The following CSMD1 variants were observed in gnomAD, a reference collection of about 807,000 sequenced individuals.
The protein encoded by CSMD1 is CUB and sushi domain-containing protein 1.
Under a neutral mutation model 417.5 loss-of-function variants are expected in CSMD1, and 213 were observed. That is an observed-to-expected ratio of 0.51 (90% CI 0.46 to 0.57). The LOEUF (loss-of-function observed/expected upper bound fraction) is 0.57, where lower values mean the gene tolerates loss of function less well. CSMD1 is among the 20% of genes least tolerant of loss of function. The pLI is 0.00. For missense variants in CSMD1, 6,923 were observed against 4,529.7 expected (o/e 1.53, Z -15.17); for synonymous variants, 2,862 against 1,736.8 (o/e 1.65, Z -16.11).
At chr8:3,455,355 G>C (rs1034231663) in intron 12 of CSMD1, among the ~76,000 whole-genome samples, 1 of 152,220 alleles carries the variant, frequency 6.6e-6, no homozygotes, top group African/African-American at 2.4e-5. Context: ...TTGCTGGTGA[G>C]GAGCTGCTTT....
At chr8:4,156,136 G>C (rs969531017) in intron 3 of CSMD1, among the ~76,000 whole-genome samples, 1 of 152,176 alleles carries the variant, frequency 6.6e-6, no homozygotes, top group Non-Finnish European at 1.5e-5. Context: ...GAGTCCCTCT[G>C]CCTCACACCA....
chr8:3,919,388 A>G (rs1397176545), intron 5 of CSMD1, among the ~76,000 whole-genome samples: 1 of 152,012 alleles, frequency 6.6e-6, no homozygotes, highest in Non-Finnish European at 1.5e-5. Flanking sequence ...TGTGTTGAAG[A>G]GACTCTCTTT....
At chr8:3,865,926 CTCA>C (rs2129108304) in intron 5 of CSMD1, among the ~76,000 whole-genome samples, 1 of 152,216 alleles carries the variant, frequency 6.6e-6, no homozygotes, top group Non-Finnish European at 1.5e-5. Flanking sequence ...TAATTAACTC[CTCA>C]TGTTTCCCTC....
intron 5 of CSMD1, among the ~76,000 whole-genome samples, chr8:3,898,949 G>A (rs965183805): frequency 2.0e-5 from 3 of 152,016 alleles, no homozygotes; most frequent in Admixed American, 6.5e-5. Context: ...AAAATTTTAT[G>A]GGAAAAATAA....
chr8:2,941,325 G>C (rs1484280094), intron 69 of CSMD1, among the ~76,000 whole-genome samples: 2 of 152,146 alleles, frequency 1.3e-5, no homozygotes, highest in African/African-American at 4.8e-5. Flanking sequence ...GCTATTTCAT[G>C]AGTTTTGAAA....
At chr8:4,086,393 GCAGA>G (rs1800421175) in intron 3 of CSMD1, among the ~76,000 whole-genome samples, 1 of 152,102 alleles carries the variant, frequency 6.6e-6, no homozygotes, top group Non-Finnish European at 1.5e-5. Context: ...TTCAGTACAG[GCAGA>G]CAGACTTGTA....
intron 5 of CSMD1, among the ~76,000 whole-genome samples, chr8:3,765,219 C>G (rs1798204302): frequency 6.6e-6 from 1 of 152,168 alleles, no homozygotes; most frequent in South Asian, 2.1e-4. Context: ...CGATCACTCC[C>G]TCGACTGTCT....
intron 23 of CSMD1, among the ~76,000 whole-genome samples, chr8:3,339,142 A>G (rs1807475814): frequency 1.3e-5 from 2 of 152,010 alleles, no homozygotes; most frequent in African/African-American, 2.4e-5. Context: ...AATTTCATCC[A>G]TGTCCCTACA....
chr8:4,113,099 A>C (rs555514696), intron 3 of CSMD1, among the ~76,000 whole-genome samples: 1 of 152,144 alleles, frequency 6.6e-6, no homozygotes, highest in Non-Finnish European at 1.5e-5. Flanking sequence ...TAAATGATTA[A>C]TGTGGTGTGT....
intron 41 of CSMD1, among the ~76,000 whole-genome samples, chr8:3,137,152 T>C (rs2129029241): frequency 6.6e-6 from 1 of 152,322 alleles, no homozygotes; most frequent in East Asian, 1.9e-4. Context: ...GACATATTAT[T>C]GTTGACTACA....
At chr8:4,588,756 G>C (rs1799836278) in intron 2 of CSMD1, among the ~76,000 whole-genome samples, 2 of 142,112 alleles carry the variant, frequency 1.4e-5, no homozygotes, top group Non-Finnish European at 3.1e-5. Context: ...CTGCACTCCA[G>C]CCTGGCGACA....
chr8:4,576,336 T>C (rs560684548), intron 2 of CSMD1, among the ~76,000 whole-genome samples: 2 of 152,372 alleles, frequency 1.3e-5, no homozygotes, highest in African/African-American at 4.8e-5. Context: ...CTGGCTTCTC[T>C]CCTGCTCACT....
chr8:4,036,769 G>A (rs111402338), intron 3 of CSMD1, among the ~76,000 whole-genome samples: 4 of 152,308 alleles, frequency 2.6e-5, no homozygotes, highest in South Asian at 4.1e-4. Flanking sequence ...AAATAGCACT[G>A]TTGGCAGCAC....
intron 5 of CSMD1, among the ~76,000 whole-genome samples, chr8:3,904,294 C>T (rs2975333): frequency 0.2 from 30,807 of 152,074 alleles, 3,406 homozygotes; most frequent in East Asian, 0.33. Flanking sequence ...TCCTGGAGGA[C>T]ACCCCTTTCT....
intron 10 of CSMD1, among the ~76,000 whole-genome samples, chr8:3,514,432 G>A (rs796408816): frequency 1.2e-4 from 19 of 152,274 alleles, no homozygotes; most frequent in African/African-American, 4.3e-4. Context: ...CAAATGTGGT[G>A]TTATCCCCAT....
At chr8:4,216,967 G>C (rs191986907) in intron 3 of CSMD1, among the ~76,000 whole-genome samples, 1 of 152,048 alleles carries the variant, frequency 6.6e-6, no homozygotes. Flanking sequence ...GGCTGTCCTA[G>C]GATAGGTCCC....
At chr8:3,514,430 G>C (rs989472593) in intron 10 of CSMD1, among the ~76,000 whole-genome samples, 3 of 152,136 alleles carry the variant, frequency 2.0e-5, no homozygotes, top group Non-Finnish European at 2.9e-5. Context: ...TGCAAATGTG[G>C]TGTTATCCCC....
At chr8:4,391,329 A>T (rs1803837151) in intron 3 of CSMD1, among the ~76,000 whole-genome samples, 1 of 152,172 alleles carries the variant, frequency 6.6e-6, no homozygotes, top group Non-Finnish European at 1.5e-5. Flanking sequence ...TTTCCTTCTC[A>T]TCCCTTGACT....
At chr8:3,911,364 T>TA (rs1808451838) in intron 5 of CSMD1, among the ~76,000 whole-genome samples, 1 of 151,512 alleles carries the variant, frequency 6.6e-6, no homozygotes, top group Admixed American at 6.6e-5. Flanking sequence ...CCATCTCTAC[T>TA]AAAAATACAA....
Sources: gnomAD v4.1 joint callset for allele counts (sites outside exome capture counted in the v4.1 genomes callset) on GRCh38, gnomAD v4.1.1 for gene constraint, MANE v1.5 for transcripts, NCBI Gene and HGNC (gene_info 2026-07-23, HGNC 2026-07-21) for gene names.